The following CEP112 variants were observed in gnomAD, a reference collection of about 807,000 sequenced individuals.
CEP112 encodes the protein centrosomal protein 112, also known as centrosomal protein of 112 kDa.
In CEP112, 127 loss-of-function variants were observed where a neutral mutation model predicts 153.0. The observed-to-expected ratio is 0.83, with a 90% CI of 0.72 to 0.96. The LOEUF (loss-of-function observed/expected upper bound fraction) is 0.96. Ranked by LOEUF, CEP112 falls within the 40% of genes least tolerant of loss-of-function variation. The pLI is 0.00. For missense variants in CEP112, 1,089 were observed against 1,101.2 expected, an observed-to-expected ratio of 0.99 and a Z score of 0.16; for synonymous variants, 358 against 374.4, an observed-to-expected ratio of 0.96 and a Z score of 0.51.
chr17:65,937,898 C>G (rs1364406194), intron 18 of CEP112, among the ~76,000 whole-genome samples: 2 of 116,642 alleles, frequency 1.7e-5, no homozygotes, highest in African/African-American at 2.9e-5. Context: ...TGCCCGGCCA[C>G]CACCCCATCT....
At chr17:66,040,999 T>A (rs890104094) in intron 12 of CEP112, among the ~76,000 whole-genome samples, 2 of 152,118 alleles carry the variant, frequency 1.3e-5, no homozygotes, top group African/African-American at 4.8e-5. Context: ...CTAAAATGGG[T>A]TTATTAAATG....
intron 18 of CEP112, among the ~76,000 whole-genome samples, chr17:65,954,844 C>A (rs750225210): frequency 6.6e-6 from 1 of 152,068 alleles, no homozygotes; most frequent in Admixed American, 6.6e-5. Context: ...ATGAACAAAG[C>A]CTCCTAGAAG....
intron 21 of CEP112, among the ~76,000 whole-genome samples, chr17:65,823,367 C>T (rs896591758): frequency 2.6e-5 from 4 of 152,112 alleles, no homozygotes; most frequent in African/African-American, 9.7e-5. Context: ...AGAAAGTCCA[C>T]TAGTAGGCCA....
intron 21 of CEP112, among the ~76,000 whole-genome samples, chr17:65,808,117 T>A (rs1251382161): frequency 1.3e-5 from 2 of 152,208 alleles, no homozygotes; most frequent in East Asian, 1.9e-4. Flanking sequence ...GCCATATATA[T>A]GAGACATGGA....
chr17:66,014,577 T>C (rs896050614), intron 16 of CEP112, among the ~76,000 whole-genome samples: 1 of 152,116 alleles, frequency 6.6e-6, no homozygotes, highest in African/African-American at 2.4e-5. Flanking sequence ...CAACCATCTC[T>C]CTAAGCAACT....
At chr17:65,874,625 C>T (rs549902634) in intron 20 of CEP112, among the ~76,000 whole-genome samples, 86 of 152,166 alleles carry the variant, frequency 5.7e-4, no homozygotes, top group Middle Eastern at 6.8e-3. Context: ...AATTTTATTG[C>T]ATCATAAAAT....
At chr17:66,141,067 G>A in intron 4 of CEP112, among the ~76,000 whole-genome samples, 1 of 151,804 alleles carries the variant, frequency 6.6e-6, no homozygotes, top group East Asian at 1.9e-4. Flanking sequence ...TCTCTGTATT[G>A]GGGATTTTGA....
intron 17 of CEP112, among the ~76,000 whole-genome samples, chr17:65,977,473 G>T (rs967625296): frequency 1.3e-5 from 2 of 152,198 alleles, no homozygotes; most frequent in Admixed American, 1.3e-4. Flanking sequence ...TCCACCAGCT[G>T]TGTGACTTAA....
At chr17:65,789,792 T>A (rs778898104) in intron 21 of CEP112, among the ~76,000 whole-genome samples, 21 of 152,200 alleles carry the variant, frequency 1.4e-4, no homozygotes, top group Non-Finnish European at 2.5e-4. Context: ...CTTATTATAT[T>A]AAAATTATCT....
At chr17:66,128,856 C>T (rs2069988139) in intron 6 of CEP112, among the ~76,000 whole-genome samples, 1 of 151,934 alleles carries the variant, frequency 6.6e-6, no homozygotes, top group South Asian at 2.1e-4. Flanking sequence ...TATAAGATAG[C>T]ATTTATAATA....
chr17:65,784,829 A>G (rs563068356), intron 21 of CEP112, among the ~76,000 whole-genome samples: 21 of 152,332 alleles, frequency 1.4e-4, no homozygotes, highest in South Asian at 4.1e-4. Flanking sequence ...CACATATCAT[A>G]AAGTTCATAA....
At chr17:65,918,943 A>G (rs2060598520) in intron 19 of CEP112, among the ~76,000 whole-genome samples, 3 of 152,222 alleles carry the variant, frequency 2.0e-5, no homozygotes, top group African/African-American at 7.2e-5. Context: ...TTAAAACTGG[A>G]GAAGGAAACT....
intron 9 of CEP112, among the ~76,000 whole-genome samples, chr17:66,067,495 A>G (rs2146057663): frequency 6.6e-6 from 1 of 152,326 alleles, no homozygotes; most frequent in East Asian, 1.9e-4. Flanking sequence ...AGCAAATTCC[A>G]GCAGATAATA....
chr17:65,695,684 C>T (rs982918520), intron 23 of CEP112, among the ~76,000 whole-genome samples: 1 of 152,070 alleles, frequency 6.6e-6, no homozygotes, highest in Admixed American at 6.6e-5. Context: ...ATGATAAAAA[C>T]AATTTTTTAA....
intron 19 of CEP112, among the ~76,000 whole-genome samples, chr17:65,920,587 AC>A (rs1245146755): frequency 6.6e-6 from 1 of 150,662 alleles, no homozygotes; most frequent in African/African-American, 2.5e-5. Flanking sequence ...TGAAATTCAG[AC>A]CTTAAATTTA....
chr17:65,863,718 C>T (rs1302057869), intron 20 of CEP112, among the ~76,000 whole-genome samples: 1 of 148,122 alleles, frequency 6.8e-6, no homozygotes, highest in South Asian at 2.2e-4. Context: ...CCACTGCATT[C>T]CAGCCTGGGT....
At chr17:65,798,384 C>T (rs966455279) in intron 21 of CEP112, among the ~76,000 whole-genome samples, 3 of 152,116 alleles carry the variant, frequency 2.0e-5, no homozygotes, top group African/African-American at 7.2e-5. Context: ...TCTAAGAATA[C>T]TCAAGCACCT....
intron 20 of CEP112, among the ~76,000 whole-genome samples, chr17:65,858,297 A>G (rs772304576): frequency 6.6e-6 from 1 of 152,010 alleles, no homozygotes; most frequent in Admixed American, 6.6e-5. Context: ...CCCATGGGAG[A>G]TTTTTATAGA....
rs186699553 is a variant in CEP112, at chr17:65,818,575, T to C, written c.2394+33229A>G. The stretch of plus-strand genomic sequence containing the variant: ...GGTACATTCTTGGCAAGTCTCAATT[T>C]TGTGATAACTTTCTCCTCAAGTTTA... On this transcript the variant is annotated intron_variant, in intron 21 of 26. Coordinates refer to ENST00000535342, the MANE Select transcript of CEP112 (RefSeq NM_001199165.4). Among the ~76,000 whole-genome samples the C allele has an allele frequency of 7.0e-4, 107 of 151,946 alleles. 1 individual carries two copies. Among genetic ancestry groups the C allele is most frequent in the African/African-American group, 2.4e-3 (99 of 41,530 alleles).
Sources: gnomAD v4.1 joint callset for allele counts (sites outside exome capture counted in the v4.1 genomes callset) on GRCh38, gnomAD v4.1.1 for gene constraint, MANE v1.5 for transcripts, NCBI Gene and HGNC (gene_info 2026-07-23, HGNC 2026-07-21) for gene names.